The following TBL3 variants were observed in gnomAD, a reference collection of about 807,000 sequenced individuals.
TBL3 encodes transducin beta like 3.
A neutral mutation model predicts 102.7 loss-of-function variants in TBL3; 71 were observed. The ratio of observed to expected loss-of-function variants is 0.69; its 90% confidence interval spans 0.57 to 0.84. The LOEUF is 0.84. TBL3 is among the 40% of genes least tolerant of loss of function. The pLI is 0.00. For synonymous variants in TBL3, 578 were observed against 477.7 expected (o/e 1.21, Z -2.74); for missense variants, 1,188 against 1,098.5 (o/e 1.08, Z -1.15).
rs2083366591 is a variant in TBL3, at chr16:1,972,317, G to A, written c.41+112G>A. The A allele has an allele frequency of 6.1e-6, 7 of 1,151,362 alleles. No homozygotes were observed. In the Admixed American group the frequency reaches 2.1e-4, roughly 35 times the overall value. 71.3% of individuals were successfully genotyped at this position (1,151,362 alleles called of 1,614,324 possible). The stretch of plus-strand genomic sequence containing the variant: ...GGGGTCCGTGGAGGCGAGAGGCTGT[G>A]TGTGCGCCGGCCCGCGGGGTCGCGG... On this transcript the variant is annotated intron_variant, in intron 1 of 21. Transcript: ENST00000568546.
Position 1,975,276 on chromosome 16 carries a change from G to A in TBL3, c.711+14G>A, listed in dbSNP as rs1182659533. ...CCTGTGTTTGAGGTGGGGATGCCTG[G>A]AGGCCAGGGCTGGTTGAGTTGGGTG... On this transcript the variant is annotated intron_variant, in intron 8 of 21. Coordinates refer to ENST00000568546, the MANE Select transcript of TBL3 (RefSeq NM_006453.3). The A allele has an allele frequency of 6.2e-7, 1 of 1,614,010 alleles. No homozygotes were observed. The highest frequency in any genetic ancestry group is 8.5e-7 in the Non-Finnish European group (1 of 1,180,024).
Position 1,980,414 on chromosome 16 carries a change from G to T in TBL3, c.*1729G>T, listed in dbSNP as rs759467184. The T allele has an allele frequency of 9.4e-6, 15 of 1,602,594 alleles. No homozygotes were observed. In the Admixed American group the frequency reaches 2.5e-4, roughly 27 times the overall value. On this transcript the variant is annotated 3_prime_UTR_variant, in exon 22 of 22. Transcript: ENST00000568546. ...CCAGGTCCAGGGGTTGCGGTGCGAAGAAGCCAGTGATCGTCGGGCTCCGTG... is the reference window on the plus strand; with the variant it reads ...CCAGGTCCAGGGGTTGCGGTGCGAATAAGCCAGTGATCGTCGGGCTCCGTG...
chr16:1,977,074 TG>T lies in TBL3; in HGVS notation c.1462del (p.Ala488ProfsTer80). On this transcript the variant is annotated frameshift_variant, in exon 15 of 22. Transcript: ENST00000568546. LOFTEE classifies it high-confidence loss of function. ...HDKDINSVAI[A>X]PNDKLLATGS... ...GCCAGGACATCAACAGCGTGGCTAT[TG>T]CCCCCAACGACAAGCTGCTGGCCAC... 6.2e-7 allele frequency: 1 copy of T among 1,613,226 alleles called. No homozygotes were observed. The highest frequency in any genetic ancestry group is 8.5e-7 in the Non-Finnish European group (1 of 1,179,978).
rs199605249 is a variant in TBL3, at chr16:1,977,082, A to G, written c.1469A>G (p.Asn490Ser). 2.5e-4 allele frequency: 406 copies of G among 1,613,268 alleles called. 3 individuals are homozygous for G. The East Asian group carries it at 8.9e-3, about 35-fold the overall frequency. Residue 490 changes from asparagine (N) to serine (S), a missense_variant, in exon 15 of 22, where the codon AAC (asparagine) becomes AGC (serine). Coordinates refer to ENST00000568546, the MANE Select transcript of TBL3 (RefSeq NM_006453.3). Reference sequence around the variant, plus strand: ...ATCAACAGCGTGGCTATTGCCCCCAACGACAAGCTGCTGGCCACAGGCTCA... The same window carrying G: ...ATCAACAGCGTGGCTATTGCCCCCAGCGACAAGCTGCTGGCCACAGGCTCA... ...KDINSVAIAP[N>S]DKLLATGSQD...
chr16:1,973,603 G>T (rs1597047168), intron 1 of TBL3, among the ~76,000 whole-genome samples: 1 of 152,264 alleles, frequency 6.6e-6, no homozygotes, highest in East Asian at 1.9e-4. Context: ...TGGGACCCGG[G>T]CTCTGGGCAA....
rs140832737 is a variant in TBL3, at chr16:1,974,272, G to A, written c.169G>A (p.Val57Met). 4.4e-4 allele frequency: 706 copies of A among 1,598,402 alleles called. 4 individuals are homozygous for A. The African/African-American group carries it at 8.1e-3, about 18-fold the overall frequency. ...VNILEVASGA[V>M]LRSLEQEDQE... The stretch of plus-strand genomic sequence containing the variant: ...CATTCTGGAAGTGGCCTCGGGGGCC[G>A]TGCTGCGGAGTCTGGAGCAGGTGAG... The change falls in exon 3 of 22, where the codon GTG (valine) becomes ATG (methionine). Residue 57 changes from valine to methionine, a missense_variant. Physicochemically the swap from Val to Met is conservative, Grantham distance 21. Transcript: ENST00000568546.
At chr16:1,975,779 C>T in intron 10 of TBL3, 29 bp from the exon 11 acceptor site, 10 of 1,614,022 alleles carry the variant, frequency 6.2e-6, no homozygotes, top group Non-Finnish European at 8.5e-6. Flanking sequence ...GGTCCTGGCT[C>T]ACATCTCCTG....
chr16:1,974,647 C>T lies in TBL3; in HGVS notation c.347C>T (p.Ala116Val), dbSNP rs1391378599. The change falls in exon 5 of 22, where the codon GCC becomes GTC. Residue 116 changes from alanine (A) to valine (V), a missense_variant. Transcript: ENST00000568546. ...AIHTAPVATM[A>V]FDPTSTLLAT... The stretch of plus-strand genomic sequence containing the variant: ...CACACGGCCCCCGTGGCCACCATGG[C>T]CTTCGACCCCACCTCCACTCTGCTA... 1.9e-6 allele frequency: 3 copies of T among 1,609,054 alleles called. No homozygotes were observed. The highest frequency in any genetic ancestry group is 2.5e-6 in the Non-Finnish European group (3 of 1,176,896).
chr16:1,976,289 A>T lies in TBL3; in HGVS notation c.1267A>T (p.Ser423Cys). Reference protein sequence around the residue: ...CVAQGSGHTHSVGTVCCSRLK... With the variant: ...CVAQGSGHTHCVGTVCCSRLK... ...GGCTCAGGGTTCCGGTCACACACAC[A>T]GTGTGGGCACCGTCTGCTGCTCTAG... Residue 423 changes from serine (S) to cysteine (C), a missense_variant, in exon 13 of 22, where the codon AGT becomes TGT. Transcript: ENST00000568546. 6.2e-7 allele frequency: 1 copy of T among 1,613,838 alleles called. No homozygotes were observed. The highest frequency in any genetic ancestry group is 8.5e-7 in the Non-Finnish European group (1 of 1,179,916).
Position 1,979,459 on chromosome 16 carries a change from A to ACACGCG in TBL3, c.*782_*787dup, listed in dbSNP as rs1202928315. On this transcript the variant is annotated 3_prime_UTR_variant, in exon 22 of 22. Coordinates refer to ENST00000568546, the MANE Select transcript of TBL3 (RefSeq NM_006453.3). ...CACCAGCCGCGGTCTGACGTTTCCA[A>ACACGCG]CACGCGCACGCGCGCCCCCGCGGGC... 1 of 1,611,246 alleles carries ACACGCG rather than the reference A, an allele frequency of 6.2e-7. No individual in the cohort carries two copies. Among genetic ancestry groups the ACACGCG allele is most frequent in the East Asian group, 2.2e-5 (1 of 44,844 alleles).
chr16:1,972,432 G>A (rs1345176675), intron 1 of TBL3, among the ~76,000 whole-genome samples: 4 of 152,236 alleles, frequency 2.6e-5, no homozygotes, highest in Non-Finnish European at 5.9e-5. Flanking sequence ...GCAGCAGCGT[G>A]GGCTCATCGA....
chr16:1,979,260 C>A lies in TBL3; in HGVS notation c.*575C>A. On this transcript the variant is annotated 3_prime_UTR_variant, in exon 22 of 22. Transcript: ENST00000568546. Reference sequence around the variant, plus strand: ...CCGGGCCTCACCCGCCGGGTCGTCTCCTCCACGGAACCCCGTCCCGCTCAG... The same window carrying A: ...CCGGGCCTCACCCGCCGGGTCGTCTACTCCACGGAACCCCGTCCCGCTCAG... 6.5e-7 allele frequency: 1 copy of A among 1,534,036 alleles called. No individual in the cohort carries two copies. Among genetic ancestry groups the A allele is most frequent in the Non-Finnish European group, 8.7e-7 (1 of 1,147,500 alleles).
rs374535042 is a variant in TBL3, at chr16:1,978,064, C to G, written c.2062+3C>G. 2 of 1,604,024 alleles carry G rather than the reference C, an allele frequency of 1.2e-6. No homozygotes were observed. Among genetic ancestry groups the G allele is most frequent in the East Asian group, 4.5e-5 (2 of 44,766 alleles). On this transcript the variant is annotated splice_donor_region_variant and intron_variant, in intron 19 of 21. Transcript: ENST00000568546. ...CACCGTGCTGACTGTCATCCAGGGT[C>G]AGTGCCCACCCCGGGGGGCGAGGGG...
At position 1,978,219 on chromosome 16, in the gene TBL3, A is replaced by G. The variant is rs2083421210; in HGVS notation, c.2133A>G (p.Lys711=). The change falls in exon 20 of 22, where the codon AAA becomes AAG. Residue 711 remains lysine, a splice_region_variant and synonymous_variant. Coordinates refer to ENST00000568546, the MANE Select transcript of TBL3 (RefSeq NM_006453.3). ...ATMLRLRRDQ[K]EALLRFCVTW... ...TGCTCCGACTGCGGCGCGACCAGAA[A>G]GGTTGGCGGCCAGTCAGGGTGGGTG... 3.1e-6 allele frequency: 5 copies of G among 1,612,682 alleles called. No individual in the cohort carries two copies. Among genetic ancestry groups the G allele is most frequent in the Non-Finnish European group, 3.4e-6 (4 of 1,179,948 alleles).
chr16:1,974,933 T>C lies in TBL3; in HGVS notation c.470T>C (p.Val157Ala). 2 of 1,611,804 alleles carry C rather than the reference T, an allele frequency of 1.2e-6. No homozygotes were observed. Among genetic ancestry groups the C allele is most frequent in the Non-Finnish European group, 8.5e-7 (1 of 1,179,924 alleles). ...FRGSPGVVHLVAFHPDPTRLL... is the reference protein window; with the variant it reads ...FRGSPGVVHLAAFHPDPTRLL... ...CCTGTCCCGTCCGCCCACAGCCTAG[T>C]GGCCTTCCACCCGGACCCTACACGC... Residue 157 changes from valine to alanine, a missense_variant, in exon 7 of 22, where the codon GTG (valine) becomes GCG (alanine). Transcript: ENST00000568546.
rs2083442265 is a variant in TBL3 at position 1,979,203 on chromosome 16, G to A, written c.*518G>A. 4.1e-6 allele frequency: 6 copies of A among 1,464,832 alleles called. No individual in the cohort carries two copies. The highest frequency in any genetic ancestry group is 5.4e-6 in the Non-Finnish European group (6 of 1,116,178). The allele number at this position is 1,464,832 out of a possible 1,614,324, so 90.7% of individuals were successfully genotyped here. On this transcript the variant is annotated 3_prime_UTR_variant, in exon 22 of 22. Transcript: ENST00000568546. ...AGGTCGGGTGGGCACGGTGGGGGGA[G>A]GGGCGGTGGCCTGGGAGGGTTCAGG...
Position 1,979,840 on chromosome 16 carries a change from T to G in TBL3, c.*1155T>G, listed in dbSNP as rs764889441. 1.8e-5 allele frequency: 28 copies of G among 1,577,448 alleles called. No homozygotes were observed. Among genetic ancestry groups the G allele is most frequent in the South Asian group, 3.4e-5 (3 of 87,022 alleles). ...CTCCCGGCCTTGGCCCGGGGCCGCC[T>G]CCTCCAGGTAGGGCGCTGGAAACCA... On this transcript the variant is annotated 3_prime_UTR_variant, in exon 22 of 22. Coordinates refer to ENST00000568546, the MANE Select transcript of TBL3 (RefSeq NM_006453.3).
chr16:1,976,196 A>C lies in TBL3; in HGVS notation c.1189-15A>C, dbSNP rs2083400419. ...GCCCATGGACCAGCCTCTCTCCTCA[A>C]CTCCCTGTCCCCAGGATCAGAGCGT... On this transcript the variant is annotated splice_polypyrimidine_tract_variant and intron_variant, in intron 12 of 21. Transcript: ENST00000568546. 25 of 1,613,990 alleles carry C rather than the reference A, an allele frequency of 1.5e-5. No individual in the cohort carries two copies. The East Asian group carries it at 5.3e-4, about 35-fold the overall frequency.
rs539725545 is a variant in TBL3 at position 1,977,857 on chromosome 16, A to C, written c.1958+57A>C. ...ATCAGCCCTGCTCTGTGCTGTAGGGAAAACGAGGCTGAGTGCCAGGCTCCC... is the reference window on the plus strand; with the variant it reads ...ATCAGCCCTGCTCTGTGCTGTAGGGCAAACGAGGCTGAGTGCCAGGCTCCC... On this transcript the variant is annotated intron_variant, in intron 18 of 21. Transcript: ENST00000568546. 5 of 1,581,156 alleles carry C rather than the reference A, an allele frequency of 3.2e-6. No individual in the cohort carries two copies. The African/African-American group carries it at 6.7e-5, about 21-fold the overall frequency.
Sources: allele counts gnomAD v4.1 joint callset (sites outside exome capture counted in the v4.1 genomes callset), GRCh38; gene constraint gnomAD v4.1.1; transcripts MANE v1.5; gene names NCBI Gene and HGNC (gene_info 2026-07-23, HGNC 2026-07-21).